The following KLHL4 variants were observed in gnomAD, a reference collection of about 807,000 sequenced individuals.
KLHL4 encodes the protein kelch-like protein 4.
KLHL4 carries 17 observed loss-of-function variants against 45.8 expected under a neutral mutation model. The ratio of observed to expected loss-of-function variants is 0.37; its 90% CI spans 0.25 to 0.56. KLHL4 has a LOEUF of 0.56. KLHL4 is among the 20% of genes least tolerant of loss of function. The probability of loss-of-function intolerance (pLI) is 0.79; values close to 1 mark genes in which losing one functional copy is unlikely to be tolerated. For synonymous variants in KLHL4, 224 were observed against 189.9 expected (o/e 1.18, Z -1.47); for missense variants, 544 against 544.9 (o/e 1.00, Z 0.02).
chrX:87,651,172 G>A (rs960073282), intron 9 of KLHL4, among the ~76,000 whole-genome samples: 3 of 111,535 alleles, frequency 2.7e-5, no homozygotes, highest in Non-Finnish European at 5.6e-5. Flanking sequence ...TCTTAGGTGA[G>A]GCAGGTAGGG....
At chrX:87,616,967 T>C (rs767456721) in intron 3 of KLHL4, among the ~76,000 whole-genome samples, 1 of 111,802 alleles carries the variant, frequency 8.9e-6, no homozygotes, top group African/African-American at 3.2e-5. Flanking sequence ...TATTAAGGTA[T>C]TTTAGAAGGG....
intron 9 of KLHL4, among the ~76,000 whole-genome samples, chrX:87,638,169 G>A (rs1017941890): frequency 9.0e-6 from 1 of 110,964 alleles, no homozygotes; most frequent in Non-Finnish European, 1.9e-5. Context: ...TTAAAAAAAT[G>A]AACAAAGCCT....
intron 1 of KLHL4, among the ~76,000 whole-genome samples, chrX:87,585,241 G>A (rs748231671): frequency 1.8e-5 from 2 of 111,518 alleles, no homozygotes; most frequent in East Asian, 5.6e-4. Context: ...ATGCTAAAGG[G>A]AGAACTTCAA....
At chrX:87,532,239 G>GT (rs1273865333) in intron 1 of KLHL4, among the ~76,000 whole-genome samples, 11 of 109,809 alleles carry the variant, frequency 1.0e-4, no homozygotes, top group African/African-American at 3.6e-4. Context: ...AGATCAGATA[G>GT]TTGTAGATAT....
chrX:87,639,699 A>G (rs745887737), intron 9 of KLHL4, among the ~76,000 whole-genome samples: 1 of 111,222 alleles, frequency 9.0e-6, no homozygotes, highest in African/African-American at 3.3e-5. Context: ...CCTCTAGGAA[A>G]CAGAAAAGTG....
intron 9 of KLHL4, among the ~76,000 whole-genome samples, chrX:87,661,333 C>T (rs2147842738): frequency 9.0e-6 from 1 of 111,093 alleles, no homozygotes; most frequent in African/African-American, 3.3e-5. Context: ...AAAAAGTATA[C>T]ATCTCATAAC....
At chrX:87,535,364 A>T (rs1931405480) in intron 1 of KLHL4, among the ~76,000 whole-genome samples, 1 of 112,030 alleles carries the variant, frequency 8.9e-6, no homozygotes, top group Admixed American at 9.5e-5. Flanking sequence ...GATACTAGAA[A>T]GTGCTTAGAT....
At chrX:87,540,339 A>G (rs1209011043) in intron 1 of KLHL4, among the ~76,000 whole-genome samples, 1 of 111,802 alleles carries the variant, frequency 8.9e-6, no homozygotes, top group Non-Finnish European at 1.9e-5. Context: ...ATATTATTTT[A>G]CTTTATATAT....
chrX:87,590,899 G>A (rs1216297290), intron 1 of KLHL4, among the ~76,000 whole-genome samples: 1 of 111,861 alleles, frequency 8.9e-6, no homozygotes, highest in Non-Finnish European at 1.9e-5. Flanking sequence ...TATTGATGAA[G>A]ACTTTGGTTG....
At chrX:87,563,023 T>A (rs1381525680) in intron 1 of KLHL4, among the ~76,000 whole-genome samples, 1 of 111,279 alleles carries the variant, frequency 9.0e-6, no homozygotes, top group Non-Finnish European at 1.9e-5. Flanking sequence ...ACCAAGTTGG[T>A]ACCTCTGTGA....
intron 1 of KLHL4, among the ~76,000 whole-genome samples, chrX:87,564,020 C>A (rs1932157117): frequency 9.0e-6 from 1 of 110,621 alleles, no homozygotes; most frequent in Non-Finnish European, 1.9e-5. Flanking sequence ...ACTCCTCCTG[C>A]TAAAAGGACA....
intron 1 of KLHL4, among the ~76,000 whole-genome samples, chrX:87,584,223 C>A (rs1390818607): frequency 9.0e-6 from 1 of 111,433 alleles, no homozygotes; most frequent in East Asian, 2.8e-4. Flanking sequence ...ATCTGGAAAC[C>A]CTTCCCATGA....
chrX:87,598,944 C>T (rs962035859), intron 1 of KLHL4, among the ~76,000 whole-genome samples: 4 of 110,503 alleles, frequency 3.6e-5, no homozygotes, highest in Non-Finnish European at 3.8e-5. Context: ...TATACACATG[C>T]GTAGTGCAAC....
chrX:87,617,851 T>TAAA, intron 3 of KLHL4, 81 bp from the exon 4 acceptor site: 1 of 763,401 alleles, frequency 1.3e-6, no homozygotes, highest in African/African-American at 2.2e-5. Flanking sequence ...GAGAGGAAAA[T>TAAA]AAAAAAAAAA....
intron 9 of KLHL4, among the ~76,000 whole-genome samples, chrX:87,651,640 C>G (rs1294211255): frequency 1.8e-5 from 2 of 112,576 alleles, no homozygotes; most frequent in Non-Finnish European, 3.8e-5. Context: ...GACTCCATGT[C>G]CCTCATCCAT....
At chrX:87,603,835 C>G (rs768894879) in intron 1 of KLHL4, among the ~76,000 whole-genome samples, 1 of 110,301 alleles carries the variant, frequency 9.1e-6, no homozygotes, top group South Asian at 3.9e-4. Context: ...ATTCATTCCT[C>G]CAATCTAATT....
chrX:87,602,224 ATAAGCTAAGTTACAG>A (rs1169861389), intron 1 of KLHL4, among the ~76,000 whole-genome samples: 3 of 111,296 alleles, frequency 2.7e-5, no homozygotes, highest in Non-Finnish European at 5.7e-5. Context: ...CTGTAACTAA[ATAAGCTAAGTTACAG>A]TAAGCTAAGT....
intron 1 of KLHL4, among the ~76,000 whole-genome samples, chrX:87,537,176 A>G (rs1249826793): frequency 9.0e-6 from 1 of 111,281 alleles, no homozygotes; most frequent in East Asian, 2.8e-4. Flanking sequence ...AAGTGCATTT[A>G]TGAGAAAAAG....
chrX:87,533,570 G>T (rs1335097620), intron 1 of KLHL4, among the ~76,000 whole-genome samples: 2 of 103,305 alleles, frequency 1.9e-5, no homozygotes, highest in Non-Finnish European at 3.9e-5. Context: ...GGGGTGAGGG[G>T]GGAGGGATAG....
Sources: gnomAD v4.1 joint callset for allele counts (sites outside exome capture counted in the v4.1 genomes callset) on GRCh38, gnomAD v4.1.1 for gene constraint, MANE v1.5 for transcripts, NCBI Gene and HGNC (gene_info 2026-07-23, HGNC 2026-07-21) for gene names.